The following DZIP1L variants were observed in gnomAD, a reference collection of about 807,000 sequenced individuals.
DZIP1L encodes DAZ interacting zinc finger protein 1 like, also known as cilium assembly protein DZIP1L.
DZIP1L carries 90 observed loss-of-function variants against 88.7 expected under a neutral mutation model. That is an observed-to-expected ratio of 1.02 (90% CI 0.86 to 1.21). The LOEUF (loss-of-function observed/expected upper bound fraction) is 1.21. Among genes scored for constraint, DZIP1L ranks in the 50% most tolerant of loss-of-function variants. The pLI is 0.00. For missense variants in DZIP1L, 932 were observed against 955.8 expected (o/e 0.98, Z 0.33); for synonymous variants, 363 against 372.1 (o/e 0.98, Z 0.28).
intron 1 of DZIP1L, among the ~76,000 whole-genome samples, chr3:138,111,700 T>C (rs1343587680): frequency 2.0e-5 from 3 of 152,156 alleles, no homozygotes; most frequent in African/African-American, 7.2e-5. Context: ...TCTGGCATTA[T>C]AAGACGGAGC....
intron 6 of DZIP1L, 53 bp from the exon 7 acceptor site, chr3:138,087,076 T>C (rs756381762): frequency 6.4e-5 from 101 of 1,569,186 alleles, no homozygotes; most frequent in Non-Finnish European, 8.7e-5. Context: ...TTAAAACATG[T>C]TATAAAGCTA....
At chr3:138,108,976 T>C (rs1232503760) in intron 1 of DZIP1L, among the ~76,000 whole-genome samples, 2 of 152,158 alleles carry the variant, frequency 1.3e-5, no homozygotes, top group Non-Finnish European at 2.9e-5. Context: ...ACTAAATCTG[T>C]GGAGTGCTGG....
intron 3 of DZIP1L, among the ~76,000 whole-genome samples, chr3:138,095,861 A>C (rs405265): frequency 0.85 from 129,262 of 152,132 alleles, 55,230 homozygotes; most frequent in Middle Eastern, 0.91. Context: ...TAAGTGTATA[A>C]TTTAAATTGT....
intron 5 of DZIP1L, among the ~76,000 whole-genome samples, chr3:138,091,331 T>C (rs2107805804): frequency 6.6e-6 from 1 of 151,644 alleles, no homozygotes; most frequent in South Asian, 2.1e-4. Flanking sequence ...AAAGAAAGAA[T>C]GACGGCCGGG....
Position 138,068,204 on chromosome 3 carries a change from G to A in DZIP1L, c.1779C>T (p.Arg593=). ...SLTQVSAPAP[R]PGLHGPSSTP... ...TGCTGGAGGGTCCATGCAGTCCGGG[G>A]CGTGGAGCGGGGGCGGACACCTGGG... is the stretch of plus-strand genomic sequence containing the variant. Residue 593 remains arginine, a synonymous_variant, in exon 13 of 16, where the codon CGC becomes CGT. Transcript: ENST00000327532. 6.3e-7 allele frequency: 1 copy of A among 1,590,886 alleles called. No individual in the cohort carries two copies. Among genetic ancestry groups the A allele is most frequent in the Non-Finnish European group, 8.6e-7 (1 of 1,167,404 alleles).
intron 4 of DZIP1L, among the ~76,000 whole-genome samples, chr3:138,092,887 A>G (rs1277463210): frequency 6.6e-6 from 1 of 152,192 alleles, no homozygotes; most frequent in Admixed American, 6.6e-5. Flanking sequence ...TATTTCCACC[A>G]CATCTGCAGT....
chr3:138,073,655 G>T (rs938987022), intron 11 of DZIP1L, among the ~76,000 whole-genome samples: 24 of 152,166 alleles, frequency 1.6e-4, no homozygotes, highest in Non-Finnish European at 2.6e-4. Context: ...ACAAGACAAG[G>T]TTCTTTAACA....
At chr3:138,105,457 C>G (rs1049037992) in intron 1 of DZIP1L, among the ~76,000 whole-genome samples, 2 of 151,996 alleles carry the variant, frequency 1.3e-5, no homozygotes, top group African/African-American at 2.4e-5. Context: ...TACAGATGCT[C>G]AAATTGCTTA....
intron 13 of DZIP1L, 89 bp from the exon 14 acceptor site, chr3:138,067,789 G>T (rs1302274571): frequency 7.0e-7 from 1 of 1,424,220 alleles, no homozygotes; most frequent in African/African-American, 1.5e-5. Context: ...AGCTGGTTTG[G>T]TTTGCTCAGG....
chr3:138,066,174 T>C (rs754949343), intron 14 of DZIP1L, among the ~76,000 whole-genome samples: 18 of 152,234 alleles, frequency 1.2e-4, no homozygotes, highest in Admixed American at 2.0e-4. Context: ...TTTTTCACAA[T>C]TGAGTTGTTG....
chr3:138,084,162 C>A lies in DZIP1L; in HGVS notation c.1154G>T (p.Arg385Leu). The A allele has an allele frequency of 1.9e-6, 3 of 1,614,196 alleles. No individual in the cohort carries two copies. Among genetic ancestry groups the A allele is most frequent in the Non-Finnish European group, 2.5e-6 (3 of 1,180,010 alleles). ...CCTAGCTTGTTCCTGCAGCTGGGCA[C>A]GGAGGGTGCTGATCTGGCACTGGGA... ...AQSQCQISTL[R>L]AQLQEQARII... The change falls in exon 8 of 16, where the codon CGT becomes CTT. Residue 385 changes from arginine (R) to leucine (L), a missense_variant. Coordinates refer to ENST00000327532, the MANE Select transcript of DZIP1L (RefSeq NM_173543.3).
At chr3:138,071,900 C>T in intron 11 of DZIP1L, 65 bp from the exon 12 acceptor site, 1 of 1,460,732 alleles carries the variant, frequency 6.8e-7, no homozygotes, top group Non-Finnish European at 9.2e-7. Flanking sequence ...CCCTAAGCCT[C>T]TCACACCTGC....
intron 12 of DZIP1L, chr3:138,068,885 A>T (rs72991165): frequency 5.7e-6 from 7 of 1,232,554 alleles, no homozygotes; most frequent in Non-Finnish European, 7.1e-6. Context: ...TCCAAATTGC[A>T]TCAAGACCTA....
chr3:138,106,995 T>A (rs2042514878), intron 1 of DZIP1L, among the ~76,000 whole-genome samples: 1 of 152,216 alleles, frequency 6.6e-6, no homozygotes, highest in African/African-American at 2.4e-5. Context: ...CAGGGTGCTA[T>A]GAGACTTGGA....
At chr3:138,089,312 A>G (rs1382210564) in intron 5 of DZIP1L, 1 of 977,994 alleles carries the variant, frequency 1.0e-6, no homozygotes, top group Non-Finnish European at 1.2e-6. Context: ...TGTATGCACA[A>G]CTCCCGGGTT....
chr3:138,079,419 A>C (rs1943550478), intron 10 of DZIP1L, among the ~76,000 whole-genome samples: 1 of 152,230 alleles, frequency 6.6e-6, no homozygotes, highest in Admixed American at 6.5e-5. Flanking sequence ...CATCCATCTA[A>C]GGGAAGACTG....
chr3:138,062,689 T>G lies in DZIP1L; in HGVS notation c.*127A>C. 1 of 1,140,864 alleles carries G rather than the reference T, an allele frequency of 8.8e-7. No homozygotes were observed. The highest frequency in any genetic ancestry group is 1.4e-5 in the South Asian group (1 of 69,124). The allele number at this position is 1,140,864 out of a possible 1,614,324, so 70.7% of individuals were successfully genotyped here. A position where few individuals can be genotyped will look rare whatever the true frequency, so the allele number is the denominator to read the frequency against. ...AGATCATATCCATTCCCTGCACTGC[T>G]TCTCTCCAAGAGGATGATCTCTTGG... On this transcript the variant is annotated 3_prime_UTR_variant, in exon 16 of 16. Transcript: ENST00000327532.
chr3:138,085,932 A>G (rs902520235), intron 7 of DZIP1L, among the ~76,000 whole-genome samples: 2 of 152,350 alleles, frequency 1.3e-5, no homozygotes, highest in East Asian at 1.9e-4. Context: ...CAGCCATAAA[A>G]AAGGATGAGT....
chr3:138,075,964 A>AG (rs1404492282), intron 11 of DZIP1L, among the ~76,000 whole-genome samples: 14 of 152,210 alleles, frequency 9.2e-5, no homozygotes, highest in Non-Finnish European at 1.9e-4. Context: ...CTCAAAAAAA[A>AG]AGGCTGAAAG....
Sources: allele counts gnomAD v4.1 joint callset (sites outside exome capture counted in the v4.1 genomes callset), GRCh38; gene constraint gnomAD v4.1.1; transcripts MANE v1.5; gene names NCBI Gene and HGNC (gene_info 2026-07-23, HGNC 2026-07-21).